The following FANCA variants were observed in gnomAD, a reference collection of about 807,000 sequenced individuals.
The protein encoded by FANCA is Fanconi anemia group A protein.
Under a neutral mutation model 194.3 loss-of-function variants are expected in FANCA, and 236 were observed. That is an observed-to-expected ratio of 1.21 (90% CI 1.09 to 1.35). The LOEUF is 1.35. Ranked by LOEUF, FANCA falls within the 40% of genes most tolerant of loss-of-function variation. The pLI is 0.00. For missense variants in FANCA, 2,628 were observed against 1,813.9 expected (o/e 1.45, Z -8.15); for synonymous variants, 1,014 against 715.8 (o/e 1.42, Z -6.65).
intron 20 of FANCA, among the ~76,000 whole-genome samples, chr16:89,776,070 A>T (rs534695438): frequency 5.9e-5 from 9 of 151,450 alleles, no homozygotes; most frequent in South Asian, 2.1e-4. Context: ...ACCAGTGATT[A>T]TCCCTGGGCA....
chr16:89,810,558 G>A (rs1237224565), intron 5 of FANCA, 149 bp downstream of exon 5: 1 of 687,430 alleles, frequency 1.5e-6, no homozygotes, highest in African/African-American at 1.8e-5. Flanking sequence ...ATCCACAGAT[G>A]ATTTCTAAAC....
rs761934804 is a variant in FANCA, at chr16:89,739,249, C to G, written c.4051G>C (p.Glu1351Gln). The G allele has an allele frequency of 5.0e-6, 8 of 1,614,050 alleles. No individual in the cohort carries two copies. Among genetic ancestry groups the G allele is most frequent in the Non-Finnish European group, 6.8e-6 (8 of 1,180,052 alleles). ...TCCACAGCAACATGCAGGAAGGCCT[C>G]TTCCCTGATGGCCGCGTCTTCATGG... ...YFHEDAAIRE[E>Q]AFLHVAVDMY... Residue 1351 changes from glutamate (E) to glutamine (Q), a missense_variant, in exon 41 of 43, where the codon GAG becomes CAG. By Grantham distance (29) the Glu-to-Gln change is conservative (BLOSUM62 2). Transcript: ENST00000389301.
At chr16:89,772,101 A>T (rs958960004) in intron 22 of FANCA, among the ~76,000 whole-genome samples, 2 of 152,190 alleles carry the variant, frequency 1.3e-5, no homozygotes, top group Non-Finnish European at 2.9e-5. Context: ...CCCATCTGAA[A>T]TCCCATGCCA....
rs769546891 is a variant in FANCA at position 89,775,800 on chromosome 16, G to C, written c.1842C>G (p.Pro614=). The C allele has an allele frequency of 1.2e-6, 2 of 1,611,970 alleles. No individual in the cohort carries two copies. The highest frequency in any genetic ancestry group is 2.2e-5 in the East Asian group (1 of 44,858). The change falls in exon 21 of 43, where the codon CCC becomes CCG. Residue 614 remains proline, a synonymous_variant. Coordinates refer to ENST00000389301, the MANE Select transcript of FANCA (RefSeq NM_000135.4). ...GGCAGTAGGTGGAGTACAGAGATGG[G>C]GGGATTTTATCTGCTCTGGATCACA... is the stretch of plus-strand genomic sequence containing the variant. ...IESLKRADKI[P]PSLYSTYCQA...
intron 31 of FANCA, 79 bp downstream of exon 31, chr16:89,752,059 C>A: frequency 7.6e-7 from 1 of 1,314,662 alleles, no homozygotes; most frequent in Non-Finnish European, 1.1e-6. Context: ...CGTGAGCCAC[C>A]GCGCCTGGCA....
intron 6 of FANCA, among the ~76,000 whole-genome samples, chr16:89,808,044 C>A (rs1320513804): frequency 6.8e-6 from 1 of 147,642 alleles, no homozygotes; most frequent in East Asian, 2.0e-4. Context: ...GGCCACAGAG[C>A]GAGACTCCGT....
At chr16:89,774,305 A>C (rs1024762753) in intron 21 of FANCA, among the ~76,000 whole-genome samples, 1 of 152,086 alleles carries the variant, frequency 6.6e-6, no homozygotes, top group African/African-American at 2.4e-5. Flanking sequence ...AGCTACGAAC[A>C]AGTGGACCCC....
rs2038838403 is a variant in FANCA, at chr16:89,758,560, C to G, written c.2981+17G>C. ...CCTGTCCCTCCAGAGAACCCTAATA[C>G]AGTGTGTGCTGCTAACCTTTGGTGG... On this transcript the variant is annotated intron_variant, in intron 30 of 42. Transcript: ENST00000389301. The G allele has an allele frequency of 6.2e-7, 1 of 1,612,492 alleles. No individual in the cohort carries two copies. The highest frequency in any genetic ancestry group is 8.5e-7 in the Non-Finnish European group (1 of 1,178,936).
At chr16:89,788,286 C>T (rs2039961236) in intron 14 of FANCA, among the ~76,000 whole-genome samples, 1 of 151,854 alleles carries the variant, frequency 6.6e-6, no homozygotes, top group African/African-American at 2.4e-5. Flanking sequence ...CATGGTGAGA[C>T]CCCATCTCTA....
At chr16:89,759,301 C>T (rs2038863878) in intron 29 of FANCA, among the ~76,000 whole-genome samples, 2 of 100,024 alleles carry the variant, frequency 2.0e-5, no homozygotes, top group South Asian at 3.1e-4. Flanking sequence ...GCTTGGGCAA[C>T]AGAGCGAGAC....
At chr16:89,755,864 C>T (rs1048990775) in intron 30 of FANCA, among the ~76,000 whole-genome samples, 1 of 151,360 alleles carries the variant, frequency 6.6e-6, no homozygotes, top group Non-Finnish European at 1.5e-5. Context: ...CACGGCCCAC[C>T]GCACAGACAC....
intron 42 of FANCA, 66 bp downstream of exon 42, chr16:89,738,816 C>A: frequency 1.2e-6 from 2 of 1,614,018 alleles, no homozygotes; most frequent in South Asian, 1.1e-5. Context: ...CAGGCAGGCA[C>A]ATGGCCCAGG....
At position 89,791,331 on chromosome 16, in the gene FANCA, G is replaced by GAC. The variant is rs2040069412; in HGVS notation, c.1359+70_1359+71dup. 8.6e-5 allele frequency: 135 copies of GAC among 1,575,014 alleles called. 3 individuals are homozygous for GAC. In the South Asian group the frequency reaches 1.5e-3, roughly 18 times the overall value. ...CTCACATGACAGAGAATCAGGTGGG[G>GAC]ACAGCATGGTCCCCACTCCCAGGCC... On this transcript the variant is annotated intron_variant, in intron 14 of 42. Coordinates refer to ENST00000389301, the MANE Select transcript of FANCA (RefSeq NM_000135.4).
intron 10 of FANCA, 51 bp from the exon 11 acceptor site, chr16:89,796,069 C>T (rs2040237007): frequency 2.9e-6 from 4 of 1,374,078 alleles, no homozygotes; most frequent in Non-Finnish European, 3.1e-6. Context: ...GCCTTGCACG[C>T]CACCCACCAA....
In FANCA at chr16:89,778,831, G is replaced by A. The variant is rs562319781; in HGVS notation, c.1796C>T (p.Ser599Phe). The A allele has an allele frequency of 5.6e-6, 9 of 1,614,058 alleles. No homozygotes were observed. In the African/African-American group the frequency reaches 1.1e-4, roughly 19 times the overall value. The change falls in exon 20 of 43, where the codon TCC (serine) becomes TTC (phenylalanine). Residue 599 changes from serine to phenylalanine, a missense_variant. By Grantham distance (155) the Ser-to-Phe change is radical (BLOSUM62 -2). Transcript: ENST00000389301. ...CAGAGACTCTATAAACGCCACACGG[G>A]AGTCAGGGACTTTGGGGAGCTGTGG... The part of the protein sequence containing the change: ...TPRVLPKVPD[S>F]RVAFIESLKR...
intron 11 of FANCA, among the ~76,000 whole-genome samples, chr16:89,793,078 C>T (rs976510320): frequency 1.3e-5 from 2 of 152,158 alleles, no homozygotes; most frequent in East Asian, 1.9e-4. Flanking sequence ...GACGGTTAGG[C>T]CTCCGGATAA....
At position 89,769,829 on chromosome 16, in the gene FANCA, G is replaced by T. The variant is rs529177917; in HGVS notation, c.2504+8C>A. ...GAGAGAAGACGCGACTGTGGAAGAA[G>T]AGCTCACTTCAGGCAGAAGAACAAG... On this transcript the variant is annotated splice_region_variant and intron_variant, in intron 26 of 42. Coordinates refer to ENST00000389301, the MANE Select transcript of FANCA (RefSeq NM_000135.4). 7.1e-5 allele frequency: 115 copies of T among 1,613,870 alleles called. 1 individual carries two copies. In the South Asian group the frequency reaches 1.3e-3, roughly 18 times the overall value.
chr16:89,806,547 G>T (rs1365951247), intron 6 of FANCA, among the ~76,000 whole-genome samples: 1 of 151,506 alleles, frequency 6.6e-6, no homozygotes, highest in Non-Finnish European at 1.5e-5. Flanking sequence ...GAGTGGTGAT[G>T]ACTCTTAACG....
intron 30 of FANCA, among the ~76,000 whole-genome samples, chr16:89,756,194 G>C (rs1374800029): frequency 6.6e-6 from 1 of 152,078 alleles, no homozygotes; most frequent in Non-Finnish European, 1.5e-5. Flanking sequence ...GTTTTCAAAT[G>C]GGCTAAGGAT....
Sources: allele counts gnomAD v4.1 joint callset (sites outside exome capture counted in the v4.1 genomes callset), GRCh38; gene constraint gnomAD v4.1.1; transcripts MANE v1.5; gene names NCBI Gene and HGNC (gene_info 2026-07-23, HGNC 2026-07-21).